The following UTRN variants were observed in gnomAD, a reference collection of about 807,000 sequenced individuals.
UTRN encodes dystrophin-related protein 1.
UTRN carries 283 observed loss-of-function variants against 463.9 expected under a neutral mutation model. The ratio of observed to expected loss-of-function variants is 0.61; its 90% CI spans 0.55 to 0.67. The LOEUF (loss-of-function observed/expected upper bound fraction) is 0.67, where lower values mean the gene tolerates loss of function less well. UTRN is among the 30% of genes least tolerant of loss of function. The pLI, the probability that UTRN is intolerant of heterozygous loss-of-function variation, is 0.00. For missense variants in UTRN, 3,922 were observed against 4,084.3 expected (o/e 0.96, Z 1.08); for synonymous variants, 1,442 against 1,431.5 (o/e 1.01, Z -0.17).
At position 144,554,858 on chromosome 6, in the gene UTRN, C is replaced by A; in HGVS notation, c.7099C>A (p.Arg2367=). 1.2e-6 allele frequency: 2 copies of A among 1,613,960 alleles called. No individual in the cohort carries two copies. The highest frequency in any genetic ancestry group is 1.7e-6 in the Non-Finnish European group (2 of 1,179,940). ...ARLYILQQAR[R]DPLTKQISDN... is the part of the protein sequence containing the mutation. ...ACTCTATATTCTTCAGCAAGCCCGA[C>A]GGGATCCACTCACCAAACAAATTTC... The change falls in exon 49 of 75, where the codon CGG becomes AGG. Residue 2367 remains arginine, a synonymous_variant. Transcript: ENST00000367545.
At chr6:144,407,589 G>T (rs1783528885) in intron 3 of UTRN, among the ~76,000 whole-genome samples, 1 of 152,138 alleles carries the variant, frequency 6.6e-6, no homozygotes, top group South Asian at 2.1e-4. Flanking sequence ...TTCACATAGG[G>T]TCTAACTATT....
rs776955064 is a variant in UTRN, at chr6:144,611,241, CA to C, written c.7479+33956del. ...CTCAACACAGTAAAGGATGTATAGA[CA>C]AACATTTAGCTAACATCATTCCCAG... On this transcript the variant is annotated intron_variant, in intron 51 of 74. Transcript: ENST00000367545. 1.4e-4 allele frequency among the ~76,000 whole-genome samples: 22 copies of C among 152,312 alleles called. No individual in the cohort carries two copies. The East Asian group carries it at 2.3e-3, about 16-fold the overall frequency.
intron 59 of UTRN, among the ~76,000 whole-genome samples, chr6:144,773,092 T>C (rs1316096938): frequency 6.6e-6 from 1 of 152,180 alleles, no homozygotes; most frequent in Non-Finnish European, 1.5e-5. Context: ...ATCTGAGTTT[T>C]CTTTTAACTC....
chr6:144,742,213 C>T (rs1790176691), intron 54 of UTRN, among the ~76,000 whole-genome samples: 1 of 152,138 alleles, frequency 6.6e-6, no homozygotes, highest in Admixed American at 6.6e-5. Context: ...TGAGTAGCCT[C>T]TTGTTATTGT....
At chr6:144,418,949 C>T (rs1034658887) in intron 3 of UTRN, among the ~76,000 whole-genome samples, 1 of 152,168 alleles carries the variant, frequency 6.6e-6, no homozygotes, top group Non-Finnish European at 1.5e-5. Context: ...TTGCCATCAT[C>T]AGTATTTTCT....
chr6:144,846,754 A>G (rs754244275), intron 73 of UTRN, 51 bp from the exon 74 acceptor site: 1 of 1,613,808 alleles, frequency 6.2e-7, no homozygotes, highest in East Asian at 2.2e-5. Flanking sequence ...AGTTGGAACC[A>G]ACAAAGTAAC....
intron 2 of UTRN, among the ~76,000 whole-genome samples, chr6:144,298,455 G>T (rs1804936204): frequency 6.6e-6 from 1 of 152,086 alleles, no homozygotes; most frequent in Admixed American, 6.5e-5. Flanking sequence ...ATCCTGTGGG[G>T]CTCTTCTATC....
chr6:144,340,640 A>G (rs1777071996), intron 2 of UTRN, among the ~76,000 whole-genome samples: 1 of 152,228 alleles, frequency 6.6e-6, no homozygotes, highest in South Asian at 2.1e-4. Context: ...GCTATAATAG[A>G]GCTAGTGGTA....
chr6:144,824,589 TATATATATATATATATATATA>T (rs1562954844), intron 66 of UTRN, among the ~76,000 whole-genome samples: 1 of 39,696 alleles, frequency 2.5e-5, no homozygotes, highest in African/African-American at 1.5e-4. Flanking sequence ...TATATATATA[TATATATATATATATATATATA>T]TATCTTTTTT....
intron 33 of UTRN, among the ~76,000 whole-genome samples, chr6:144,494,085 G>T (rs1311823947): frequency 6.6e-6 from 1 of 152,134 alleles, no homozygotes; most frequent in Non-Finnish European, 1.5e-5. Flanking sequence ...TTATTCTAAG[G>T]ATACTACAAG....
At chr6:144,440,634 A>G (rs1277142202) in intron 13 of UTRN, among the ~76,000 whole-genome samples, 163 bp downstream of exon 13, 1 of 152,208 alleles carries the variant, frequency 6.6e-6, no homozygotes, top group Non-Finnish European at 1.5e-5. Flanking sequence ...TGTGTGGGCT[A>G]CAGGAGTACC....
chr6:144,789,063 A>G, intron 61 of UTRN, 131 bp from the exon 62 acceptor site: 1 of 701,254 alleles, frequency 1.4e-6, no homozygotes, highest in African/African-American at 1.8e-5. Flanking sequence ...AAAAGTTAAT[A>G]GAAAAGTTGC....
rs185665688 is a variant in UTRN, at chr6:144,511,206, T to A, written c.4944+83T>A. On this transcript the variant is annotated intron_variant, in intron 35 of 74. Transcript: ENST00000367545. ...AAATGAATACAACTTTGATTAAATT[T>A]CAAATCCTGTTTACTGTGTGTCACA... is the stretch of plus-strand genomic sequence containing the variant. 2.5e-4 allele frequency: 323 copies of A among 1,308,976 alleles called. 1 individual carries two copies. In the African/African-American group the frequency reaches 4.6e-3, roughly 19 times the overall value. 81.1% of individuals were successfully genotyped at this position (1,308,976 alleles called of 1,614,324 possible). A position where few individuals can be genotyped will look rare whatever the true frequency, so the allele number is the denominator to read the frequency against.
At chr6:144,676,687 C>G (rs1270556460) in intron 51 of UTRN, among the ~76,000 whole-genome samples, 1 of 152,076 alleles carries the variant, frequency 6.6e-6, no homozygotes, top group Non-Finnish European at 1.5e-5. Context: ...CCCCTCACCC[C>G]ACAACAGGCC....
At chr6:144,326,769 C>A (rs1775999242) in intron 2 of UTRN, among the ~76,000 whole-genome samples, 1 of 152,124 alleles carries the variant, frequency 6.6e-6, no homozygotes, top group Admixed American at 6.5e-5. Context: ...TAACACGGAC[C>A]CTCACAGAAT....
At chr6:144,441,826 A>G (rs192841534) in intron 13 of UTRN, among the ~76,000 whole-genome samples, 9 of 152,220 alleles carry the variant, frequency 5.9e-5, no homozygotes, top group Admixed American at 4.6e-4. Flanking sequence ...CCAAACCTCA[A>G]TTCTTGACTT....
At chr6:144,563,388 A>G (rs1253765530) in intron 50 of UTRN, among the ~76,000 whole-genome samples, 2 of 152,256 alleles carry the variant, frequency 1.3e-5, no homozygotes, top group African/African-American at 4.8e-5. Flanking sequence ...TCTTTGTCCA[A>G]TTTGGTCAAT....
At chr6:144,539,154 A>G in intron 44 of UTRN, 140 bp from the exon 45 acceptor site, 1 of 962,092 alleles carries the variant, frequency 1.0e-6, no homozygotes, top group Non-Finnish European at 1.5e-6. Context: ...CATGAGCTTA[A>G]GCTTCTTATA....
At chr6:144,403,280 C>A in intron 3 of UTRN, 96 bp downstream of exon 3, 4 of 1,065,592 alleles carry the variant, frequency 3.8e-6, no homozygotes, top group Non-Finnish European at 5.7e-6. Context: ...CAGGAAATGT[C>A]ACCTAGCCGA....
Sources: allele counts gnomAD v4.1 joint callset (sites outside exome capture counted in the v4.1 genomes callset), GRCh38; gene constraint gnomAD v4.1.1; transcripts MANE v1.5; gene names NCBI Gene and HGNC (gene_info 2026-07-23, HGNC 2026-07-21).